The following SPRY3 variants were observed in gnomAD, a reference collection of about 807,000 sequenced individuals.
SPRY3 encodes protein sprouty homolog 3.
A neutral mutation model predicts 20.2 loss-of-function variants in SPRY3; 15 were observed. That is an observed-to-expected ratio of 0.74 (90% confidence interval 0.50 to 1.14). SPRY3 has a LOEUF of 1.14. Among genes scored for constraint, SPRY3 ranks in the 50% most tolerant of loss-of-function variants. SPRY3 has a pLI of 0.00. For missense variants in SPRY3, 364 were observed against 363.9 expected (o/e 1.00, Z 0.00); for synonymous variants, 143 against 136.5 (o/e 1.05, Z -0.33).
At chrX:155,660,739 C>T (rs1396733187) in intron 2 of SPRY3, among the ~76,000 whole-genome samples, 1 of 106,219 alleles carries the variant, frequency 9.4e-6, no homozygotes, top group Non-Finnish European at 1.9e-5. Flanking sequence ...GTCATATCTT[C>T]TTGTTGATTT....
chrX:155,711,783 A>G (rs2090988617), intron 2 of SPRY3, among the ~76,000 whole-genome samples: 1 of 150,458 alleles, frequency 6.6e-6, no homozygotes, highest in Non-Finnish European at 1.5e-5. Flanking sequence ...GCTCTTTAAG[A>G]TGCATCTTTA....
intron 2 of SPRY3, among the ~76,000 whole-genome samples, chrX:155,760,659 C>T (rs1376999294): frequency 6.6e-6 from 1 of 152,124 alleles, no homozygotes; most frequent in African/African-American, 2.4e-5. Context: ...ACTTTTCCGC[C>T]TCAGATTGTC....
intron 2 of SPRY3, among the ~76,000 whole-genome samples, chrX:155,741,035 G>A (rs915804627): frequency 6.6e-6 from 1 of 152,052 alleles, no homozygotes; most frequent in African/African-American, 2.4e-5. Context: ...GGGTTTCCCC[G>A]ATAATAATGA....
chrX:155,632,219 C>CCACACACACACA (rs55865452), intron 1 of SPRY3, among the ~76,000 whole-genome samples: 26,481 of 98,298 alleles, frequency 0.27, 3,883 homozygotes, highest in Middle Eastern at 0.46. Flanking sequence ...TCCACAGCCA[C>CCACACACACACA]CACACACACA....
intron 2 of SPRY3, among the ~76,000 whole-genome samples, chrX:155,753,263 T>G (rs2091271264): frequency 6.6e-6 from 1 of 151,906 alleles, no homozygotes; most frequent in African/African-American, 2.4e-5. Flanking sequence ...AATTTCTCCT[T>G]TCCCTCAGTC....
chrX:155,653,911 C>T (rs1557352714), intron 1 of SPRY3, among the ~76,000 whole-genome samples: 1 of 111,784 alleles, frequency 8.9e-6, no homozygotes, highest in Non-Finnish European at 1.9e-5. Flanking sequence ...AATCTATTCT[C>T]CTGTGGACAC....
At chrX:155,746,459 A>C (rs185915558) in intron 2 of SPRY3, among the ~76,000 whole-genome samples, 1 of 152,170 alleles carries the variant, frequency 6.6e-6, no homozygotes, top group African/African-American at 2.4e-5. Flanking sequence ...CCTTGTAAAC[A>C]ATTAGAAAAT....
At chrX:155,752,970 A>G (rs2091269937) in intron 2 of SPRY3, among the ~76,000 whole-genome samples, 2 of 152,052 alleles carry the variant, frequency 1.3e-5, no homozygotes, top group African/African-American at 2.4e-5. Flanking sequence ...AAGTCTGAAA[A>G]CAATCTAAAT....
chrX:155,774,890 TC>T (rs1218317452), exon 4 of SPRY3: 2 of 834,108 alleles, frequency 2.4e-6, no homozygotes, highest in Non-Finnish European at 3.8e-6. Flanking sequence ...ACCAAGTACA[TC>T]CTGGTGCAGG....
chrX:155,764,067 G>A (rs2091314900), intron 2 of SPRY3, among the ~76,000 whole-genome samples: 1 of 152,100 alleles, frequency 6.6e-6, no homozygotes, highest in African/African-American at 2.4e-5. Flanking sequence ...GAAAATCAAT[G>A]GCTTTCAGAA....
chrX:155,765,656 A>G (rs2091323537), intron 2 of SPRY3, among the ~76,000 whole-genome samples: 1 of 152,200 alleles, frequency 6.6e-6, no homozygotes, highest in Admixed American at 6.5e-5. Flanking sequence ...AGAGGTAAGA[A>G]GGCTGAATAA....
intron 2 of SPRY3, among the ~76,000 whole-genome samples, chrX:155,723,130 G>T (rs1476677758): frequency 6.6e-6 from 1 of 152,114 alleles, no homozygotes; most frequent in East Asian, 1.9e-4. Context: ...TTTTATGGCT[G>T]CATAGTATTC....
At chrX:155,713,967 A>G (rs945239710) in intron 2 of SPRY3, among the ~76,000 whole-genome samples, 3 of 152,080 alleles carry the variant, frequency 2.0e-5, no homozygotes, top group Non-Finnish European at 4.4e-5. Context: ...TGCTTCATCA[A>G]TTCTGCTATG....
chrX:155,771,010 T>G (rs933720629), intron 3 of SPRY3, among the ~76,000 whole-genome samples: 4 of 152,078 alleles, frequency 2.6e-5, no homozygotes, highest in Non-Finnish European at 5.9e-5. Context: ...GATCCCAGAG[T>G]CCATTTGAAT....
At chrX:155,774,464 G>T in exon 4 of SPRY3, 38 of 1,613,982 alleles carry the variant, frequency 2.4e-5, no homozygotes, top group Non-Finnish European at 3.1e-5. Context: ...TTCTACCACT[G>T]CTCCACTGAT....
chrX:155,663,063 A>G lies in SPRY3; in HGVS notation c.-282+6038A>G. ...AGTTCTTCCAGAAGAAAAGCTTCAG[A>G]AAAAAACTGCTCAGAGAAATGTGCA... On this transcript the variant is annotated intron_variant, in intron 2 of 3. Coordinates refer to ENST00000675360, the Ensembl canonical transcript of SPRY3. Among the ~76,000 whole-genome samples the G allele has an allele frequency of 4.4e-5, 5 of 112,493 alleles. No homozygotes were observed. In the South Asian group the frequency reaches 1.8e-3, roughly 41 times the overall value.
intron 2 of SPRY3, among the ~76,000 whole-genome samples, chrX:155,758,649 T>G (rs952696143): frequency 1.3e-5 from 2 of 152,106 alleles, no homozygotes; most frequent in Non-Finnish European, 2.9e-5. Context: ...CTCAAATGGA[T>G]TTGGGATGTG....
At chrX:155,689,044 T>C (rs773306239) in intron 2 of SPRY3, among the ~76,000 whole-genome samples, 1 of 88,368 alleles carries the variant, frequency 1.1e-5, no homozygotes, top group South Asian at 4.7e-4. Context: ...TGCATAAATT[T>C]TCTCCCATTT....
chrX:155,722,936 C>G (rs2124555061), intron 2 of SPRY3, among the ~76,000 whole-genome samples: 1 of 151,546 alleles, frequency 6.6e-6, no homozygotes, highest in East Asian at 2.0e-4. Context: ...TCCCCCAGCC[C>G]CCCACCCCCT....
Sources: allele counts gnomAD v4.1 joint callset (sites outside exome capture counted in the v4.1 genomes callset), GRCh38; gene constraint gnomAD v4.1.1; transcripts MANE v1.5; gene names NCBI Gene and HGNC (gene_info 2026-07-23, HGNC 2026-07-21).